PDCD10: variants seen among roughly 807,000 people sequenced by gnomAD.
PDCD10 encodes the protein programmed cell death 10, also known as programmed cell death protein 10.
PDCD10 carries 4 observed loss-of-function variants against 29.2 expected under a neutral mutation model. The ratio of observed to expected loss-of-function variants is 0.14; its 90% CI spans 0.07 to 0.31. The LOEUF (loss-of-function observed/expected upper bound fraction) is 0.31. Among genes scored for constraint, PDCD10 ranks in the 10% least tolerant of loss-of-function variants. PDCD10 has a pLI of 1.00. For synonymous variants in PDCD10, 70 were observed against 82.2 expected (o/e 0.85, Z 0.80); for missense variants, 183 against 257.9 (o/e 0.71, Z 1.99).
intron 3 of PDCD10, among the ~76,000 whole-genome samples, chr3:167,716,047 A>ATGTACC (rs1371309435): frequency 0.013 from 1,991 of 152,154 alleles, 39 homozygotes; most frequent in African/African-American, 0.046. Flanking sequence ...ATGAACAGAT[A>ATGTACC]AAATGTGGTA....
chr3:167,719,176 A>C (rs922146257), intron 3 of PDCD10, among the ~76,000 whole-genome samples: 1 of 152,198 alleles, frequency 6.6e-6, no homozygotes, highest in Admixed American at 6.6e-5. Context: ...ATGAAAATTC[A>C]TTGGAAATGG....
chr3:167,731,215 C>CTA (rs1724772314), intron 2 of PDCD10, among the ~76,000 whole-genome samples: 1 of 152,134 alleles, frequency 6.6e-6, no homozygotes, highest in African/African-American at 2.4e-5. Flanking sequence ...AACGAGACAA[C>CTA]ATTAGGGAAG....
intron 3 of PDCD10, among the ~76,000 whole-genome samples, chr3:167,713,336 C>T (rs893876978): frequency 5.9e-5 from 9 of 151,800 alleles, no homozygotes; most frequent in African/African-American, 1.7e-4. Context: ...CTGAATTAAC[C>T]GTGGATAAAT....
intron 2 of PDCD10, among the ~76,000 whole-genome samples, chr3:167,724,481 T>C (rs953764103): frequency 1.3e-5 from 2 of 152,210 alleles, no homozygotes; most frequent in Non-Finnish European, 2.9e-5. Context: ...ATTCTAGCAG[T>C]GAGCAGAATC....
intron 3 of PDCD10, among the ~76,000 whole-genome samples, chr3:167,714,250 G>T (rs952977119): frequency 6.6e-6 from 1 of 152,122 alleles, no homozygotes; most frequent in Non-Finnish European, 1.5e-5. Context: ...ATCAATCAAT[G>T]TGATACATCT....
At chr3:167,721,057 G>C (rs1355097023) in intron 2 of PDCD10, among the ~76,000 whole-genome samples, 1 of 151,978 alleles carries the variant, frequency 6.6e-6, no homozygotes, top group Non-Finnish European at 1.5e-5. Context: ...TTTTTAAAGA[G>C]AATACAACTA....
chr3:167,710,481 G>C (rs1372078338), intron 3 of PDCD10, among the ~76,000 whole-genome samples: 1 of 152,104 alleles, frequency 6.6e-6, no homozygotes, highest in Non-Finnish European at 1.5e-5. Flanking sequence ...AGAAAGGAGA[G>C]AGAAAAATGG....
intron 3 of PDCD10, among the ~76,000 whole-genome samples, chr3:167,710,755 T>C (rs1193393382): frequency 6.6e-6 from 1 of 152,214 alleles, no homozygotes; most frequent in Non-Finnish European, 1.5e-5. Flanking sequence ...TCACACCCAG[T>C]GCTGTGCTAG....
intron 4 of PDCD10, among the ~76,000 whole-genome samples, chr3:167,699,559 C>T (rs543808674): frequency 1.3e-5 from 2 of 152,246 alleles, no homozygotes; most frequent in South Asian, 4.1e-4. Flanking sequence ...GGTCTTAAAT[C>T]AGGGAGACAA....
At position 167,684,350 on chromosome 3, in the gene PDCD10, A is replaced by C; in HGVS notation, c.597T>G (p.His199Gln). The change falls in exon 9 of 9, where the codon CAT becomes CAG. Residue 199 changes from histidine to glutamine, a missense_variant. Physicochemically the swap from His to Gln is conservative, Grantham distance 24. Transcript: ENST00000392750. Reference sequence around the variant, plus strand: ...AGGTCTGAAGTATTAAGTTGGTTTGATGAATTAGTCGGTTGGCACTTACGA... The same window carrying C: ...AGGTCTGAAGTATTAAGTTGGTTTGCTGAATTAGTCGGTTGGCACTTACGA... ...NVFVSANRLI[H>Q]QTNLILQTFK... 1 of 1,608,452 alleles carries C rather than the reference A, an allele frequency of 6.2e-7. No individual in the cohort carries two copies. The highest frequency in any genetic ancestry group is 8.5e-7 in the Non-Finnish European group (1 of 1,175,156).
intron 4 of PDCD10, among the ~76,000 whole-genome samples, chr3:167,702,727 G>T (rs1721572652): frequency 6.6e-6 from 1 of 152,128 alleles, no homozygotes; most frequent in Non-Finnish European, 1.5e-5. Flanking sequence ...GAATATAAAA[G>T]ATTTTATGAC....
At chr3:167,708,971 A>C (rs1722267579) in intron 3 of PDCD10, among the ~76,000 whole-genome samples, 2 of 152,226 alleles carry the variant, frequency 1.3e-5, no homozygotes, top group Admixed American at 1.3e-4. Context: ...CCATTTTATA[A>C]ATAAGGAAAC....
intron 4 of PDCD10, among the ~76,000 whole-genome samples, chr3:167,698,347 T>C (rs974918565): frequency 3.9e-5 from 6 of 152,144 alleles, no homozygotes; most frequent in African/African-American, 1.4e-4. Flanking sequence ...TATGTTGACT[T>C]TTCCTTCCAT....
intron 4 of PDCD10, among the ~76,000 whole-genome samples, chr3:167,699,612 T>C (rs1387754977): frequency 6.6e-6 from 1 of 152,178 alleles, no homozygotes; most frequent in Admixed American, 6.5e-5. Flanking sequence ...ACATGAACCC[T>C]GTAGGGTGTC....
intron 4 of PDCD10, among the ~76,000 whole-genome samples, chr3:167,702,742 G>A (rs1384527931): frequency 6.6e-6 from 1 of 152,264 alleles, no homozygotes; most frequent in South Asian, 2.1e-4. Context: ...TATGACTGGT[G>A]AGGTTTCTTT....
intron 5 of PDCD10, 23 bp from the exon 6 acceptor site, chr3:167,695,745 A>G (rs909463768): frequency 1.2e-6 from 2 of 1,611,208 alleles, no homozygotes; most frequent in Non-Finnish European, 1.7e-6. Context: ...ATACATAATA[A>G]AAAACATCCT....
intron 3 of PDCD10, among the ~76,000 whole-genome samples, chr3:167,713,029 C>T (rs1722676510): frequency 6.6e-6 from 1 of 152,068 alleles, no homozygotes; most frequent in Non-Finnish European, 1.5e-5. Context: ...ACCCAACTTT[C>T]AGTGTTGGAC....
chr3:167,723,790 T>C (rs1243641300), intron 2 of PDCD10, among the ~76,000 whole-genome samples: 1 of 152,196 alleles, frequency 6.6e-6, no homozygotes, highest in Non-Finnish European at 1.5e-5. Context: ...AGGCATACTT[T>C]TAAACACACT....
intron 3 of PDCD10, among the ~76,000 whole-genome samples, chr3:167,716,827 TTG>T (rs1446784322): frequency 6.6e-6 from 1 of 151,946 alleles, no homozygotes; most frequent in Non-Finnish European, 1.5e-5. Context: ...AGTTGCAAAA[TTG>T]TTTATTTTTC....
Sources: gnomAD v4.1 joint callset for allele counts (sites outside exome capture counted in the v4.1 genomes callset) on GRCh38, gnomAD v4.1.1 for gene constraint, MANE v1.5 for transcripts, NCBI Gene and HGNC (gene_info 2026-07-23, HGNC 2026-07-21) for gene names.